Variants in STXBP5L observed in about 807,000 individuals in gnomAD.
STXBP5L encodes the protein syntaxin binding protein 5L, also known as syntaxin-binding protein 5-like.
A neutral mutation model predicts 144.5 loss-of-function variants in STXBP5L; 65 were observed. The ratio of observed to expected loss-of-function variants is 0.45; its 90% CI spans 0.37 to 0.55. STXBP5L has a LOEUF of 0.55. STXBP5L is among the 20% of genes least tolerant of loss of function. STXBP5L has a pLI of 0.00. For synonymous variants in STXBP5L, 505 were observed against 469.6 expected, an observed-to-expected ratio of 1.08 and a Z score of -0.97; for missense variants, 1,298 against 1,405.5, an observed-to-expected ratio of 0.92 and a Z score of 1.22.
chr3:121,347,426 G>A (rs960544335), intron 20 of STXBP5L, among the ~76,000 whole-genome samples: 2 of 152,088 alleles, frequency 1.3e-5, no homozygotes, highest in Non-Finnish European at 2.9e-5. Context: ...GGATTGACTT[G>A]GATTGACTTG....
intron 3 of STXBP5L, among the ~76,000 whole-genome samples, chr3:121,029,178 A>G (rs1277817225): frequency 6.6e-6 from 1 of 152,184 alleles, no homozygotes; most frequent in Non-Finnish European, 1.5e-5. Context: ...AGAAAATACT[A>G]CTTTAAATTT....
chr3:121,240,332 CTT>C, intron 13 of STXBP5L, 106 bp from the exon 14 acceptor site: 1 of 994,866 alleles, frequency 1.0e-6, no homozygotes, highest in East Asian at 2.6e-5. Flanking sequence ...TGATTTTACA[CTT>C]ATTTTTCTTT....
At chr3:121,013,904 C>T (rs1560001447) in intron 3 of STXBP5L, among the ~76,000 whole-genome samples, 1 of 151,942 alleles carries the variant, frequency 6.6e-6, no homozygotes, top group Admixed American at 6.6e-5. Context: ...TATCCTTTCC[C>T]TGTTGTTTAT....
At chr3:121,241,485 T>A (rs2049669396) in intron 14 of STXBP5L, among the ~76,000 whole-genome samples, 1 of 151,846 alleles carries the variant, frequency 6.6e-6, no homozygotes, top group Non-Finnish European at 1.5e-5. Context: ...GTGGAGAGCT[T>A]AGAGTTTCAC....
intron 18 of STXBP5L, among the ~76,000 whole-genome samples, chr3:121,278,068 G>A (rs970991420): frequency 3.3e-5 from 5 of 152,096 alleles, no homozygotes; most frequent in African/African-American, 7.2e-5. Flanking sequence ...AGTTGTAGCT[G>A]TTTTTGTAGT....
chr3:121,416,144 A>G (rs3732404), intron 25 of STXBP5L, among the ~76,000 whole-genome samples, 176 bp downstream of exon 25: 119,578 of 151,536 alleles, frequency 0.79, 47,308 homozygotes, highest in East Asian at 0.89. Context: ...AATCATTTCC[A>G]TTTACCAACA....
At chr3:121,330,722 A>G (rs1014744386) in intron 20 of STXBP5L, among the ~76,000 whole-genome samples, 13 of 152,170 alleles carry the variant, frequency 8.5e-5, no homozygotes, top group African/African-American at 3.1e-4. Context: ...CAGGCAGAAT[A>G]ACACAGCACC....
intron 19 of STXBP5L, among the ~76,000 whole-genome samples, chr3:121,287,053 A>G (rs1331303916): frequency 1.3e-5 from 2 of 152,180 alleles, no homozygotes; most frequent in Admixed American, 6.6e-5. Flanking sequence ...CAAAGTGCTG[A>G]TCAACGTATA....
chr3:121,377,037 A>G (rs1400426753), intron 20 of STXBP5L, among the ~76,000 whole-genome samples: 1 of 152,048 alleles, frequency 6.6e-6, no homozygotes, highest in Non-Finnish European at 1.5e-5. Context: ...TTTGTCTATT[A>G]TTGGTGTATA....
At chr3:120,967,350 G>C (rs1311706576) in intron 3 of STXBP5L, among the ~76,000 whole-genome samples, 3 of 152,110 alleles carry the variant, frequency 2.0e-5, no homozygotes, top group Non-Finnish European at 4.4e-5. Flanking sequence ...TACCTCAGTT[G>C]GAAATGCAGA....
intron 3 of STXBP5L, among the ~76,000 whole-genome samples, chr3:120,970,762 A>G (rs1035097690): frequency 6.6e-5 from 10 of 151,990 alleles, no homozygotes; most frequent in Non-Finnish European, 1.0e-4. Context: ...TGTGCTTTCC[A>G]GGTCTTTTTC....
chr3:121,311,099 A>G (rs2043511258), intron 19 of STXBP5L, among the ~76,000 whole-genome samples: 1 of 152,232 alleles, frequency 6.6e-6, no homozygotes, highest in Non-Finnish European at 1.5e-5. Context: ...ATGAAGATAT[A>G]TGATTAGCCA....
At chr3:121,113,139 C>T (rs1366586921) in intron 5 of STXBP5L, among the ~76,000 whole-genome samples, 2 of 152,164 alleles carry the variant, frequency 1.3e-5, no homozygotes, top group Non-Finnish European at 2.9e-5. Flanking sequence ...AGTTCTGTCT[C>T]ATTACTGAAA....
intron 3 of STXBP5L, among the ~76,000 whole-genome samples, chr3:121,001,465 G>C (rs1943769327): frequency 6.6e-6 from 1 of 152,208 alleles, no homozygotes; most frequent in Non-Finnish European, 1.5e-5. Flanking sequence ...GGAACAGTGT[G>C]GTGAGCCTTG....
intron 11 of STXBP5L, among the ~76,000 whole-genome samples, chr3:121,233,113 G>T (rs2049359389): frequency 1.3e-5 from 2 of 152,050 alleles, no homozygotes; most frequent in African/African-American, 2.4e-5. Flanking sequence ...ATATGATATG[G>T]TTACACAACC....
chr3:121,136,010 C>T (rs538205564), intron 7 of STXBP5L, among the ~76,000 whole-genome samples: 20 of 152,252 alleles, frequency 1.3e-4, no homozygotes, highest in South Asian at 2.1e-4. Flanking sequence ...CCTGCATGAC[C>T]GCTGACCGAC....
chr3:121,174,949 A>C (rs1027392929), intron 9 of STXBP5L, among the ~76,000 whole-genome samples: 1 of 152,236 alleles, frequency 6.6e-6, no homozygotes, highest in Admixed American at 6.5e-5. Flanking sequence ...AGGAAAAAAA[A>C]CCCAGACAAC....
intron 3 of STXBP5L, among the ~76,000 whole-genome samples, chr3:121,010,774 TAAG>T (rs1424222298): frequency 6.6e-6 from 1 of 151,864 alleles, no homozygotes; most frequent in Non-Finnish European, 1.5e-5. Flanking sequence ...AAGAAAATCA[TAAG>T]AAAGAGAAAA....
At chr3:121,021,218 C>G (rs1488739904) in intron 3 of STXBP5L, among the ~76,000 whole-genome samples, 1 of 152,092 alleles carries the variant, frequency 6.6e-6, no homozygotes, top group Non-Finnish European at 1.5e-5. Flanking sequence ...GAAAATATGA[C>G]AATCCTAAAT....
Sources: gnomAD v4.1 joint callset for allele counts (sites outside exome capture counted in the v4.1 genomes callset) on GRCh38, gnomAD v4.1.1 for gene constraint, MANE v1.5 for transcripts, NCBI Gene and HGNC (gene_info 2026-07-23, HGNC 2026-07-21) for gene names.